The following NXPE2 variants were observed in gnomAD, a reference collection of about 807,000 sequenced individuals.
NXPE2 encodes neurexophilin and PC-esterase domain family member 2, also known as NXPE family member 2.
A neutral mutation model predicts 34.4 loss-of-function variants in NXPE2; 34 were observed. The observed-to-expected ratio is 0.99, with a 90% CI of 0.75 to 1.31. The LOEUF is 1.31. NXPE2 is among the 40% of genes most tolerant of loss of function. The pLI, the probability that NXPE2 is intolerant of heterozygous loss-of-function variation, is 0.00. For synonymous variants in NXPE2, 235 were observed against 231.3 expected, an observed-to-expected ratio of 1.02 and a Z score of -0.15; for missense variants, 649 against 672.5, an observed-to-expected ratio of 0.97 and a Z score of 0.39.
the NXPE2 span, among the ~76,000 whole-genome samples, chr11:114,752,831 T>C: frequency 1.3e-5 from 2 of 152,118 alleles, no homozygotes; most frequent in Non-Finnish European, 2.9e-5. Flanking sequence ...ACTAGTATGG[T>C]GTACAAGAAA....
At chr11:114,687,463 T>A (rs2135542637) in intron 2 of NXPE2, among the ~76,000 whole-genome samples, 1 of 152,222 alleles carries the variant, frequency 6.6e-6, no homozygotes, top group South Asian at 2.1e-4. Context: ...TTCTGTTCCA[T>A]TAGTCTATGT....
the NXPE2 span, among the ~76,000 whole-genome samples, chr11:114,812,460 A>G: frequency 0.13 from 19,633 of 152,286 alleles, 1,424 homozygotes; most frequent in Admixed American, 0.22. Flanking sequence ...GAAATGTTCC[A>G]GCAATGATGG....
the NXPE2 span, among the ~76,000 whole-genome samples, chr11:114,621,113 A>G: frequency 6.6e-6 from 1 of 152,062 alleles, no homozygotes; most frequent in African/African-American, 2.4e-5. Context: ...AACCACTGTT[A>G]CCCTGTGGAT....
At chr11:114,668,236 G>A in the NXPE2 span, among the ~76,000 whole-genome samples, 1 of 151,988 alleles carries the variant, frequency 6.6e-6, no homozygotes, top group African/African-American at 2.4e-5. Context: ...TAGGATCTAT[G>A]TTAATTAAGG....
the NXPE2 span, among the ~76,000 whole-genome samples, chr11:114,611,868 G>A: frequency 3.5e-4 from 53 of 151,978 alleles, no homozygotes; most frequent in African/African-American, 1.2e-3. Flanking sequence ...GTTACCTGGT[G>A]TATGAGAAAT....
the NXPE2 span, among the ~76,000 whole-genome samples, chr11:114,526,031 T>C: frequency 1.3e-5 from 2 of 152,136 alleles, no homozygotes; most frequent in African/African-American, 2.4e-5. Flanking sequence ...TCTAATGTCA[T>C]TGGTCCTCAA....
the NXPE2 span, among the ~76,000 whole-genome samples, chr11:114,614,293 T>C: frequency 6.6e-6 from 1 of 151,160 alleles, no homozygotes; most frequent in African/African-American, 2.4e-5. Flanking sequence ...TGTTACCCGG[T>C]GGATAGTAAG....
At chr11:114,469,132 T>TTTTTTTG in the NXPE2 span, among the ~76,000 whole-genome samples, 1 of 130,882 alleles carries the variant, frequency 7.6e-6, no homozygotes, top group Non-Finnish European at 1.6e-5. Flanking sequence ...TTTTTTTTTT[T>TTTTTTTG]GAGCTGGAGT....
At chr11:114,676,527 A>G (rs187290529), upstream of NXPE2, among the ~76,000 whole-genome samples, 1 of 152,192 alleles carries the variant, frequency 6.6e-6, no homozygotes, top group African/African-American at 2.4e-5. Context: ...CTCACTAATC[A>G]TCAGGAAAAT....
At chr11:114,664,970 T>C in the NXPE2 span, among the ~76,000 whole-genome samples, 1 of 152,202 alleles carries the variant, frequency 6.6e-6, no homozygotes, top group Non-Finnish European at 1.5e-5. Flanking sequence ...GTAGGTTAGA[T>C]GTATTAAATG....
At chr11:114,693,956 A>G (rs1457013016) in intron 2 of NXPE2, among the ~76,000 whole-genome samples, 1 of 152,230 alleles carries the variant, frequency 6.6e-6, no homozygotes, top group Non-Finnish European at 1.5e-5. Context: ...TCACTGGGCT[A>G]AAATCAAGGT....
chr11:114,624,215 T>G, the NXPE2 span, among the ~76,000 whole-genome samples: 157 of 152,166 alleles, frequency 1.0e-3, 1 homozygote, highest in Non-Finnish European at 1.8e-3. Flanking sequence ...TGTTACCTGG[T>G]GGATGACAGA....
At chr11:114,498,788 A>T in the NXPE2 span, among the ~76,000 whole-genome samples, 2 of 151,976 alleles carry the variant, frequency 1.3e-5, no homozygotes, top group Non-Finnish European at 2.9e-5. Context: ...GGTGTTTTTA[A>T]CATGCTAGTG....
chr11:114,695,435 C>T (rs1951231655), intron 2 of NXPE2, among the ~76,000 whole-genome samples: 1 of 152,000 alleles, frequency 6.6e-6, no homozygotes, highest in Admixed American at 6.5e-5. Context: ...ATAAGAAGGC[C>T]AGATGGAGGC....
chr11:114,721,753 A>T, the NXPE2 span, among the ~76,000 whole-genome samples: 1 of 152,096 alleles, frequency 6.6e-6, no homozygotes, highest in Non-Finnish European at 1.5e-5. Context: ...AGATGAAAAA[A>T]CTGGAAGAGA....
chr11:114,479,882 C>T, the NXPE2 span, among the ~76,000 whole-genome samples: 1,991 of 152,220 alleles, frequency 0.013, 47 homozygotes, highest in African/African-American at 0.046. Flanking sequence ...GGAGGACATC[C>T]GCTTCTGACG....
At chr11:114,538,766 T>C in the NXPE2 span, among the ~76,000 whole-genome samples, 3 of 151,976 alleles carry the variant, frequency 2.0e-5, no homozygotes. Flanking sequence ...ATGGCGATCA[T>C]TAAAAAGTCA....
chr11:114,582,598 G>A, the NXPE2 span: 1 of 1,614,122 alleles, frequency 6.2e-7, no homozygotes, highest in Non-Finnish European at 8.5e-7. Flanking sequence ...AGAGAGACCT[G>A]GCCCTCCCAG....
the NXPE2 span, among the ~76,000 whole-genome samples, chr11:114,511,225 G>A: frequency 1.8e-4 from 27 of 152,204 alleles, no homozygotes; most frequent in Non-Finnish European, 3.8e-4. Flanking sequence ...ATTCTGGCCA[G>A]TGCTGCATGA....
Sources: gnomAD v4.1 joint callset for allele counts (sites outside exome capture counted in the v4.1 genomes callset) on GRCh38, gnomAD v4.1.1 for gene constraint, MANE v1.5 for transcripts, NCBI Gene and HGNC (gene_info 2026-07-23, HGNC 2026-07-21) for gene names.